The following AFF4 variants were observed in gnomAD, a reference collection of about 807,000 sequenced individuals.
AFF4 encodes the protein ALF transcription elongation factor 4.
Under a neutral mutation model 124.8 loss-of-function variants are expected in AFF4, and 13 were observed. The observed-to-expected ratio is 0.10, with a 90% CI of 0.07 to 0.17. The LOEUF is 0.17. AFF4 is among the 10% of genes least tolerant of loss of function. The pLI, the probability that AFF4 is intolerant of heterozygous loss-of-function variation, is 1.00. For missense variants in AFF4, 1,092 were observed against 1,403.8 expected, an observed-to-expected ratio of 0.78 and a Z score of 3.55; for synonymous variants, 477 against 496.1, an observed-to-expected ratio of 0.96 and a Z score of 0.51.
intron 1 of AFF4, among the ~76,000 whole-genome samples, chr5:132,952,693 A>G (rs1761873208): frequency 6.6e-6 from 1 of 152,228 alleles, no homozygotes; most frequent in African/African-American, 2.4e-5. Flanking sequence ...CAGGAGTTCA[A>G]GACCAGCCTA....
chr5:132,908,774 ATATT>A (rs1554075341), intron 5 of AFF4, among the ~76,000 whole-genome samples: 3 of 122,484 alleles, frequency 2.4e-5, no homozygotes, highest in East Asian at 2.5e-4. Flanking sequence ...ATATATATAT[ATATT>A]TTTTTTTTTT....
chr5:132,960,327 A>C (rs1486702118), intron 1 of AFF4, among the ~76,000 whole-genome samples: 1 of 152,242 alleles, frequency 6.6e-6, no homozygotes, highest in Non-Finnish European at 1.5e-5. Context: ...AAAGTAAAAA[A>C]AAATCTAAGT....
At chr5:132,955,902 C>T (rs2150113688) in intron 1 of AFF4, among the ~76,000 whole-genome samples, 1 of 144,002 alleles carries the variant, frequency 6.9e-6, no homozygotes, top group Non-Finnish European at 1.5e-5. Context: ...ATATATGCTA[C>T]ATATAATATA....
At chr5:132,932,869 G>A (rs1761332258) in intron 3 of AFF4, among the ~76,000 whole-genome samples, 2 of 152,178 alleles carry the variant, frequency 1.3e-5, no homozygotes, top group Non-Finnish European at 2.9e-5. Context: ...AGATCATGTT[G>A]TTTAAGGAAA....
chr5:132,911,333 T>C (rs1195863416), intron 5 of AFF4, among the ~76,000 whole-genome samples: 1 of 152,158 alleles, frequency 6.6e-6, no homozygotes, highest in Non-Finnish European at 1.5e-5. Context: ...AAGAACAAGT[T>C]GTCAAATCTC....
chr5:132,881,832 T>G (rs919824053), intron 20 of AFF4, among the ~76,000 whole-genome samples: 12 of 151,466 alleles, frequency 7.9e-5, no homozygotes, highest in South Asian at 2.1e-4. Flanking sequence ...AAAAAGTTTT[T>G]TTTTTTTTTT....
chr5:132,960,159 ACTAG>A (rs1762051755), intron 1 of AFF4, among the ~76,000 whole-genome samples: 1 of 152,168 alleles, frequency 6.6e-6, no homozygotes, highest in African/African-American at 2.4e-5. Flanking sequence ...AATAACTGAG[ACTAG>A]CTAACACCCT....
At position 132,885,595 on chromosome 5, in the gene AFF4, C is replaced by T. The variant is rs867723795; in HGVS notation, c.3100-476G>A. ...AGAGGTTTAGACAAGGAACAAGAGA[C>T]CCCTTGGGGCCAGGGTAAGGAGTTT... On this transcript the variant is annotated intron_variant, in intron 18 of 20. Coordinates refer to ENST00000265343, the MANE Select transcript of AFF4 (RefSeq NM_014423.4). Among the ~76,000 whole-genome samples the T allele has an allele frequency of 3.3e-5, 5 of 152,122 alleles. No homozygotes were observed. The Middle Eastern group carries it at 0.01, about 313-fold the overall frequency.
At chr5:132,918,888 GTT>G (rs34475797) in intron 5 of AFF4, among the ~76,000 whole-genome samples, 55 of 138,686 alleles carry the variant, frequency 4.0e-4, no homozygotes, top group Non-Finnish European at 5.0e-4. Flanking sequence ...TTGTTTGTTT[GTT>G]TTTTTTTTTT....
At chr5:132,895,922 G>A (rs2150072029) in intron 11 of AFF4, among the ~76,000 whole-genome samples, 1 of 152,300 alleles carries the variant, frequency 6.6e-6, no homozygotes, top group South Asian at 2.1e-4. Context: ...ATTTAAGTGT[G>A]ACTTGGTCTG....
intron 4 of AFF4, chr5:132,927,484 C>G: frequency 3.1e-6 from 1 of 323,222 alleles, no homozygotes; most frequent in Non-Finnish European, 5.6e-6. Context: ...ATACAAGGCA[C>G]ATAATAAAAC....
intron 5 of AFF4, among the ~76,000 whole-genome samples, chr5:132,922,396 C>A (rs532768498): frequency 6.6e-6 from 1 of 151,334 alleles, no homozygotes; most frequent in Admixed American, 6.6e-5. Flanking sequence ...CTAGCCTGGA[C>A]AACAGAGACC....
intron 2 of AFF4, among the ~76,000 whole-genome samples, chr5:132,935,796 G>A (rs1032867663): frequency 3.3e-5 from 5 of 151,080 alleles, no homozygotes; most frequent in Non-Finnish European, 5.9e-5. Flanking sequence ...GGTGGTGCAC[G>A]CCTGTAATCC....
chr5:132,880,208 T>C lies in AFF4; in HGVS notation c.*851A>G, dbSNP rs768901149. The C allele has an allele frequency of 1.3e-5, 5 of 398,878 alleles. No individual in the cohort carries two copies. Among genetic ancestry groups the C allele is most frequent in the East Asian group, 1.1e-4 (3 of 28,062 alleles). 24.7% of individuals were successfully genotyped at this position (398,878 alleles called of 1,614,324 possible). ...ATGATTAGCAACAAAAAATAACATA[T>C]GGTTTTAATAAAATCCGTAACGTTC... On this transcript the variant is annotated 3_prime_UTR_variant, in exon 21 of 21. Coordinates refer to ENST00000265343, the MANE Select transcript of AFF4 (RefSeq NM_014423.4).
intron 2 of AFF4, among the ~76,000 whole-genome samples, chr5:132,936,691 T>C (rs1246590834): frequency 6.6e-6 from 1 of 152,152 alleles, no homozygotes; most frequent in Non-Finnish European, 1.5e-5. Context: ...GTAGCACAAC[T>C]AGGAAAATAG....
rs778004859 is a variant in AFF4, at chr5:132,896,421, G to A, written c.2209C>T (p.Pro737Ser). The change falls in exon 11 of 21, where the codon CCC becomes TCC. Residue 737 changes from proline to serine, a missense_variant. This residue lies in a region of AFF4 where 293 missense variants were observed against 280.2 expected (regional missense o/e 1.05). Coordinates refer to ENST00000265343, the MANE Select transcript of AFF4 (RefSeq NM_014423.4). ...PGKPYKETEP[P>S]KGEKKNVPEK... ...GGCACATTTTTCTTTTCCCCCTTGG[G>A]CGGCTCTGTTTCTTTGTAAGGCTTT... 3.7e-6 allele frequency: 6 copies of A among 1,614,128 alleles called. No individual in the cohort carries two copies. Among genetic ancestry groups the A allele is most frequent in the Non-Finnish European group, 4.2e-6 (5 of 1,180,018 alleles).
intron 1 of AFF4, chr5:132,937,869 T>C (rs1304689400): frequency 1.3e-5 from 2 of 152,202 alleles, no homozygotes; most frequent in South Asian, 2.1e-4. Flanking sequence ...TAAACTTGTA[T>C]TGAAAAAGGA....
chr5:132,885,162 C>G, intron 18 of AFF4, 43 bp from the exon 19 acceptor site: 1 of 1,437,514 alleles, frequency 7.0e-7, no homozygotes, highest in Non-Finnish European at 9.6e-7. Context: ...CAAAAACCAC[C>G]ACTACTTTAA....
chr5:132,904,497 T>C (rs1282563122), intron 5 of AFF4, 93 bp from the exon 6 acceptor site: 1 of 1,090,126 alleles, frequency 9.2e-7, no homozygotes, highest in Non-Finnish European at 1.3e-6. Flanking sequence ...CTTCAAGTAC[T>C]TGAAAAAGCA....
Sources: allele counts gnomAD v4.1 joint callset (sites outside exome capture counted in the v4.1 genomes callset), GRCh38; gene constraint gnomAD v4.1.1; regional missense constraint gnomAD v4.1.1; transcripts MANE v1.5; gene names NCBI Gene and HGNC (gene_info 2026-07-23, HGNC 2026-07-21).